FRAS1: variants seen among roughly 807,000 people sequenced by gnomAD.
FRAS1 encodes Fraser extracellular matrix complex subunit 1.
A neutral mutation model predicts 435.2 loss-of-function variants in FRAS1; 290 were observed. The observed-to-expected ratio is 0.67, with a 90% CI of 0.61 to 0.73. The LOEUF (loss-of-function observed/expected upper bound fraction) is 0.73, where lower values mean the gene tolerates loss of function less well. Ranked by LOEUF, FRAS1 falls within the 30% of genes least tolerant of loss-of-function variation. The pLI, the probability that FRAS1 is intolerant of heterozygous loss-of-function variation, is 0.00. For missense variants in FRAS1, 4,860 were observed against 5,001.5 expected (o/e 0.97, Z 0.85); for synonymous variants, 1,800 against 1,851.0 (o/e 0.97, Z 0.71).
chr4:78,364,948 C>A (rs968642637), intron 22 of FRAS1, among the ~76,000 whole-genome samples: 2 of 152,090 alleles, frequency 1.3e-5, no homozygotes, highest in African/African-American at 4.8e-5. Context: ...AGCTTTATGA[C>A]CTTGAGCAAG....
chr4:78,427,536 A>G (rs548503169), intron 35 of FRAS1, among the ~76,000 whole-genome samples: 1 of 152,370 alleles, frequency 6.6e-6, no homozygotes, highest in Non-Finnish European at 1.5e-5. Context: ...GAGCATCCTG[A>G]ATCCACTAAA....
At chr4:78,125,148 A>C (rs185971961) in intron 2 of FRAS1, among the ~76,000 whole-genome samples, 1 of 152,282 alleles carries the variant, frequency 6.6e-6, no homozygotes, top group Admixed American at 6.5e-5. Context: ...TTCCCTCTAC[A>C]CACTGCTTTA....
intron 2 of FRAS1, among the ~76,000 whole-genome samples, chr4:78,175,118 C>T (rs1395819552): frequency 2.0e-5 from 3 of 152,326 alleles, no homozygotes; most frequent in East Asian, 1.9e-4. Flanking sequence ...CGGCCCCATC[C>T]GGACACTGCC....
intron 3 of FRAS1, among the ~76,000 whole-genome samples, chr4:78,240,079 T>G (rs1459236596): frequency 6.6e-6 from 1 of 152,082 alleles, no homozygotes; most frequent in Non-Finnish European, 1.5e-5. Flanking sequence ...ACTGAATGAA[T>G]GAATTAATGA....
At chr4:78,104,976 T>G (rs1015575023) in intron 2 of FRAS1, among the ~76,000 whole-genome samples, 11 of 152,164 alleles carry the variant, frequency 7.2e-5, no homozygotes, top group African/African-American at 2.7e-4. Flanking sequence ...CTTCCTCCAT[T>G]GATGTTTTTT....
rs141515962 is a variant in FRAS1, at chr4:78,300,576, G to A, written c.1535-7490G>A. On this transcript the variant is annotated intron_variant, in intron 14 of 73. Transcript: ENST00000512123. ...GTGCTGGTCTCCTGCTTGCTAGCAG[G>A]TCCTTAAACCCTCTCTACATGGCAG... 2.4e-3 allele frequency among the ~76,000 whole-genome samples: 364 copies of A among 152,194 alleles called. 2 individuals carry two copies. The highest frequency in any genetic ancestry group is 8.6e-3 in the African/African-American group (359 of 41,530).
At chr4:78,159,658 A>G (rs1027237883) in intron 2 of FRAS1, among the ~76,000 whole-genome samples, 32 of 152,186 alleles carry the variant, frequency 2.1e-4, no homozygotes, top group African/African-American at 6.8e-4. Context: ...AGGAGGGTAG[A>G]TCACTTGAGG....
intron 2 of FRAS1, among the ~76,000 whole-genome samples, chr4:78,118,164 T>C (rs1718768204): frequency 6.6e-6 from 1 of 152,158 alleles, no homozygotes; most frequent in African/African-American, 2.4e-5. Flanking sequence ...GAACAGCAAA[T>C]GTTGCTGCCT....
At chr4:78,377,268 T>C (rs1437845223) in intron 26 of FRAS1, among the ~76,000 whole-genome samples, 4 of 152,220 alleles carry the variant, frequency 2.6e-5, no homozygotes, top group African/African-American at 9.6e-5. Context: ...TTTAAAGATA[T>C]TAAGACTTCC....
intron 25 of FRAS1, 51 bp downstream of exon 25, chr4:78,374,302 A>T: frequency 2.6e-6 from 4 of 1,509,524 alleles, no homozygotes; most frequent in Non-Finnish European, 3.6e-6. Flanking sequence ...GCAGCAAGTA[A>T]GTCACATGTG....
chr4:78,395,372 T>A (rs1455015137), intron 29 of FRAS1, among the ~76,000 whole-genome samples: 1 of 152,038 alleles, frequency 6.6e-6, no homozygotes, highest in East Asian at 1.9e-4. Flanking sequence ...GTCTGTTATG[T>A]CCATTTGTTC....
chr4:78,377,133 T>G (rs1017645179), intron 26 of FRAS1, among the ~76,000 whole-genome samples: 1 of 152,228 alleles, frequency 6.6e-6, no homozygotes, highest in Non-Finnish European at 1.5e-5. Flanking sequence ...ACCTTTATGG[T>G]GAGTAAAGCT....
At chr4:78,185,539 T>C (rs1722233587) in intron 2 of FRAS1, among the ~76,000 whole-genome samples, 2 of 152,128 alleles carry the variant, frequency 1.3e-5, no homozygotes, top group South Asian at 2.1e-4. Context: ...AATATGAGTA[T>C]TTTTTTAATC....
At position 78,267,263 on chromosome 4, in the gene FRAS1, A is replaced by G. The variant is rs771425772; in HGVS notation, c.812A>G (p.His271Arg). The change falls in exon 9 of 74, where the codon CAT (histidine) becomes CGT (arginine). Residue 271 changes from histidine to arginine, a missense_variant. By Grantham distance (29) the His-to-Arg change is conservative (BLOSUM62 0). Transcript: ENST00000512123. The stretch of plus-strand genomic sequence containing the variant: ...TAGGGTCAGAGCAGGGCTCGGCGTC[A>G]TGGGCAATGCTGTGAGGAATGTGTG... ...CGKGQSRARR[H>R]GQCCEECVSP... The G allele has an allele frequency of 6.2e-7, 1 of 1,613,702 alleles. No homozygotes were observed. The highest frequency in any genetic ancestry group is 1.1e-5 in the South Asian group (1 of 90,994).
chr4:78,268,241 A>G (rs6812049), intron 9 of FRAS1, among the ~76,000 whole-genome samples: 4,754 of 152,214 alleles, frequency 0.031, 254 homozygotes, highest in African/African-American at 0.11. Flanking sequence ...TTTTCTTTCT[A>G]GTTCTTCTCC....
In FRAS1 at chr4:78,412,960, T is replaced by C; in HGVS notation, c.4309-9T>C. Reference sequence around the variant, plus strand: ...GATGAGAGGCTCACCAGGATGACTTTCTTTTCAGGTGTCCAGTGCCTCCAA... The same window carrying C: ...GATGAGAGGCTCACCAGGATGACTTCCTTTTCAGGTGTCCAGTGCCTCCAA... On this transcript the variant is annotated splice_polypyrimidine_tract_variant and intron_variant, in intron 31 of 73. Coordinates refer to ENST00000512123, the MANE Select transcript of FRAS1 (RefSeq NM_025074.7). The C allele has an allele frequency of 6.3e-7, 1 of 1,577,192 alleles. No individual in the cohort carries two copies. The highest frequency in any genetic ancestry group is 8.6e-7 in the Non-Finnish European group (1 of 1,157,936).
At chr4:78,381,891 AT>A (rs1271405713) in intron 27 of FRAS1, among the ~76,000 whole-genome samples, 8 of 89,474 alleles carry the variant, frequency 8.9e-5, no homozygotes, top group East Asian at 5.5e-4. Context: ...GAGAGGTATA[AT>A]AAAAATTCAG....
chr4:78,286,575 C>T, intron 14 of FRAS1, 36 bp downstream of exon 14: 1 of 1,601,974 alleles, frequency 6.2e-7, no homozygotes, highest in Non-Finnish European at 8.5e-7. Flanking sequence ...GGCCAGCTAC[C>T]AAGACAGCTC....
intron 4 of FRAS1, among the ~76,000 whole-genome samples, chr4:78,251,918 T>TGAGA (rs35796361): frequency 6.0e-4 from 89 of 148,682 alleles, no homozygotes; most frequent in South Asian, 2.6e-3. Context: ...CTGGAACAGT[T>TGAGA]GAGAGAGAGA....
Sources: allele counts gnomAD v4.1 joint callset (sites outside exome capture counted in the v4.1 genomes callset), GRCh38; gene constraint gnomAD v4.1.1; transcripts MANE v1.5; gene names NCBI Gene and HGNC (gene_info 2026-07-23, HGNC 2026-07-21).